Variants in CTNND2 observed in about 807,000 individuals in gnomAD.
CTNND2 encodes the protein catenin delta-2.
In CTNND2, 22 loss-of-function variants were observed where a neutral mutation model predicts 144.4. The ratio of observed to expected loss-of-function variants is 0.15; its 90% CI spans 0.11 to 0.22. CTNND2 has a LOEUF of 0.22. Ranked by LOEUF, CTNND2 falls within the 10% of genes least tolerant of loss-of-function variation. The pLI is 1.00. For missense variants in CTNND2, 1,353 were observed against 1,618.8 expected, an observed-to-expected ratio of 0.84 and a Z score of 2.82; for synonymous variants, 751 against 695.6, an observed-to-expected ratio of 1.08 and a Z score of -1.25.
intron 2 of CTNND2, among the ~76,000 whole-genome samples, chr5:11,723,488 G>C (rs1786806427): frequency 6.6e-6 from 1 of 152,094 alleles, no homozygotes; most frequent in African/African-American, 2.4e-5. Flanking sequence ...TAAAGTAAGG[G>C]AAAAAGCATA....
chr5:11,491,758 G>A (rs892006944), intron 3 of CTNND2, among the ~76,000 whole-genome samples: 3 of 152,180 alleles, frequency 2.0e-5, no homozygotes, highest in Admixed American at 6.5e-5. Flanking sequence ...AGTTATTGAT[G>A]CCAAAATGGA....
chr5:11,446,827 C>T (rs568103126), intron 3 of CTNND2, among the ~76,000 whole-genome samples: 2 of 152,124 alleles, frequency 1.3e-5, no homozygotes, highest in African/African-American at 4.8e-5. Context: ...GCAAGGGGGC[C>T]GTGGATAAAA....
chr5:11,575,809 C>G (rs141008265), intron 2 of CTNND2, among the ~76,000 whole-genome samples: 1 of 152,204 alleles, frequency 6.6e-6, no homozygotes, highest in Non-Finnish European at 1.5e-5. Flanking sequence ...TCTCATTTTC[C>G]TCTGTGGCTG....
At chr5:11,297,752 G>A (rs928289279) in intron 9 of CTNND2, among the ~76,000 whole-genome samples, 3 of 152,128 alleles carry the variant, frequency 2.0e-5, no homozygotes, top group African/African-American at 7.2e-5. Flanking sequence ...AGAGAGTTTG[G>A]ACAGGAGGAG....
At chr5:11,621,763 T>C (rs1442952032) in intron 2 of CTNND2, among the ~76,000 whole-genome samples, 2 of 152,012 alleles carry the variant, frequency 1.3e-5, no homozygotes, top group African/African-American at 4.8e-5. Flanking sequence ...TTGGGAAGAG[T>C]AAATTATCTT....
intron 1 of CTNND2, among the ~76,000 whole-genome samples, chr5:11,884,195 T>A (rs1392525071): frequency 6.6e-6 from 1 of 152,218 alleles, no homozygotes; most frequent in Non-Finnish European, 1.5e-5. Context: ...ATCCCATTTG[T>A]CAATTTTGGC....
chr5:11,147,130 A>C (rs1757316597), intron 12 of CTNND2, among the ~76,000 whole-genome samples: 1 of 152,200 alleles, frequency 6.6e-6, no homozygotes, highest in Admixed American at 6.5e-5. Flanking sequence ...GGGAAAGACA[A>C]AACTGATACT....
intron 16 of CTNND2, among the ~76,000 whole-genome samples, chr5:11,055,357 G>A (rs1427660625): frequency 6.6e-6 from 1 of 152,214 alleles, no homozygotes; most frequent in Non-Finnish European, 1.5e-5. Context: ...CTCCAGCCAA[G>A]AAGGAGAGAC....
intron 16 of CTNND2, among the ~76,000 whole-genome samples, chr5:11,080,441 T>G (rs1256427404): frequency 6.6e-6 from 1 of 152,216 alleles, no homozygotes; most frequent in East Asian, 1.9e-4. Flanking sequence ...AAATATAGAA[T>G]TACTATATGA....
Position 11,903,711 on chromosome 5 carries a change from G to GCCT in CTNND2, c.37+103_37+105dup. 8.5e-7 allele frequency: 1 copy of GCCT among 1,182,200 alleles called. No individual in the cohort carries two copies. The highest frequency in any genetic ancestry group is 1.1e-6 in the Non-Finnish European group (1 of 900,478). 73.2% of individuals were successfully genotyped at this position (1,182,200 alleles called of 1,614,324 possible). A position where few individuals can be genotyped will look rare whatever the true frequency, so the allele number is the denominator to read the frequency against. ...AAACCCCGCAGCAGCCGCCGCCGCC[G>GCCT]CCTGCCGGCCGGGAGCCCAGGACCA... is the stretch of plus-strand genomic sequence containing the variant. On this transcript the variant is annotated intron_variant, in intron 1 of 21. Coordinates refer to ENST00000304623, the MANE Select transcript of CTNND2 (RefSeq NM_001332.4). This position sits in a 1 kb window ranked among gnomAD's most constrained non-coding sequence, Gnocchi z 5.4.
chr5:11,764,797 G>A (rs773239772), intron 1 of CTNND2, among the ~76,000 whole-genome samples: 1 of 152,104 alleles, frequency 6.6e-6, no homozygotes, highest in African/African-American at 2.4e-5. Flanking sequence ...GCTCAGCACT[G>A]AGGATCAAAT....
At chr5:11,051,869 G>C (rs192630571) in intron 16 of CTNND2, among the ~76,000 whole-genome samples, 126 of 152,244 alleles carry the variant, frequency 8.3e-4, no homozygotes, top group Middle Eastern at 6.8e-3. Context: ...AATAAAATTT[G>C]ATTTTAAAAA....
At chr5:11,690,660 C>T (rs1358460098) in intron 2 of CTNND2, among the ~76,000 whole-genome samples, 2 of 140,884 alleles carry the variant, frequency 1.4e-5, no homozygotes, top group African/African-American at 5.2e-5. Flanking sequence ...GGCGTGAACC[C>T]GGGAAGTGGA....
At chr5:11,067,532 G>A (rs549805485) in intron 16 of CTNND2, among the ~76,000 whole-genome samples, 2 of 152,314 alleles carry the variant, frequency 1.3e-5, no homozygotes, top group South Asian at 4.1e-4. Context: ...GGTTAGCCAA[G>A]ACTGGAGCTG....
At chr5:11,116,864 C>G (rs539646997) in intron 13 of CTNND2, among the ~76,000 whole-genome samples, 18 of 152,080 alleles carry the variant, frequency 1.2e-4, no homozygotes, top group Admixed American at 7.9e-4. Flanking sequence ...TTGAGACCAG[C>G]CTGGCCAATG....
intron 2 of CTNND2, among the ~76,000 whole-genome samples, chr5:11,646,918 C>G (rs1782386977): frequency 6.6e-6 from 1 of 152,152 alleles, no homozygotes; most frequent in Non-Finnish European, 1.5e-5. Flanking sequence ...CTTCAGTCTC[C>G]CTGCACACAC....
At chr5:11,233,716 CTGTGTGTGTGTG>C (rs3033106) in intron 10 of CTNND2, among the ~76,000 whole-genome samples, 27 of 148,336 alleles carry the variant, frequency 1.8e-4, no homozygotes, top group Admixed American at 4.7e-4. Context: ...GTTTACGTGT[CTGTGTGTGTGTG>C]TGTGTGTGTG....
chr5:11,502,855 A>C lies in CTNND2; in HGVS notation c.287+62089T>G, dbSNP rs529493863. 9.7e-4 allele frequency among the ~76,000 whole-genome samples: 148 copies of C among 152,350 alleles called. 1 individual carries two copies. The highest frequency in any genetic ancestry group is 1.8e-3 in the Non-Finnish European group (123 of 68,036). The stretch of plus-strand genomic sequence containing the variant: ...TATGAAAGAAGGGACCTAGAAATAC[A>C]TGCAAAAATTAAGGCCAAGTATACT... On this transcript the variant is annotated intron_variant, in intron 3 of 21. Transcript: ENST00000304623.
At chr5:11,313,136 C>T (rs1460580777) in intron 9 of CTNND2, among the ~76,000 whole-genome samples, 1 of 152,190 alleles carries the variant, frequency 6.6e-6, no homozygotes, top group African/African-American at 2.4e-5. Context: ...CCCTTCAGAA[C>T]CCAGTGACAT....
Sources: allele counts gnomAD v4.1 joint callset (sites outside exome capture counted in the v4.1 genomes callset), GRCh38; gene constraint gnomAD v4.1.1; non-coding constraint Gnocchi (gnomAD v3.1); transcripts MANE v1.5; gene names NCBI Gene and HGNC (gene_info 2026-07-23, HGNC 2026-07-21).